TTN: variants seen among roughly 807,000 people sequenced by gnomAD.
TTN encodes the protein titin, also known as connectin.
Under a neutral mutation model 3,223.0 loss-of-function variants are expected in TTN, and 1,525 were observed. That is an observed-to-expected ratio of 0.47 (90% CI 0.45 to 0.49). TTN has a LOEUF of 0.49. Ranked by LOEUF, TTN falls within the 20% of genes least tolerant of loss-of-function variation. TTN has a pLI of 0.00. For missense variants in TTN, 40,786 were observed against 43,424.0 expected (o/e 0.94, Z 5.40); for synonymous variants, 14,094 against 15,161.0 (o/e 0.93, Z 5.17).
In TTN at chr2:178,554,091, C is replaced by T; in HGVS notation, c.89020G>A (p.Asp29674Asn). The T allele has an allele frequency of 6.2e-7, 1 of 1,613,850 alleles. No individual in the cohort carries two copies. Among genetic ancestry groups the T allele is most frequent in the Admixed American group, 1.7e-5 (1 of 60,010 alleles). Residue 29674 changes from aspartate (D) to asparagine (N), a missense_variant, in exon 333 of 363, where the codon GAC (aspartate) becomes AAC (asparagine). Transcript: ENST00000589042. ...TTAAACCATCCTAGGCTCTTCTTGT[C>T]TCGTTTTTCAAGGAAATAGCCACTT... Reference protein sequence around the residue: ...DISGYFLEKRDKKSLGWFKVL... With the variant: ...DISGYFLEKRNKKSLGWFKVL...
Position 178,583,556 on chromosome 2 carries a change from C to A in TTN, c.65575+51G>T, listed in dbSNP as rs527826349. On this transcript the variant is annotated intron_variant, in intron 312 of 362. Coordinates refer to ENST00000589042, the MANE Select transcript of TTN (RefSeq NM_001267550.2). ...TTTAGTTTTTTATTAGGAAAAATGACCATCATGAATGCTGTTACATCTTTG... is the reference window on the plus strand; with the variant it reads ...TTTAGTTTTTTATTAGGAAAAATGAACATCATGAATGCTGTTACATCTTTG... 18 of 1,450,190 alleles carry A rather than the reference C, an allele frequency of 1.2e-5. No individual in the cohort carries two copies. The African/African-American group carries it at 1.7e-4, about 14-fold the overall frequency. The allele number at this position is 1,450,190 out of a possible 1,614,324, so 89.8% of individuals were successfully genotyped here. A position where few individuals can be genotyped will look rare whatever the true frequency, so the allele number is the denominator to read the frequency against.
Position 178,727,382 on chromosome 2 carries a change from A to G in TTN, c.19994-11T>C. On this transcript the variant is annotated splice_polypyrimidine_tract_variant and intron_variant, in intron 68 of 362. Transcript: ENST00000589042. ...CAAACTTTGGTGGTTCTAAAGAGTC[A>G]GGAAAGAGGAGAGTATCAGGGAACA... 1 of 1,566,214 alleles carries G rather than the reference A, an allele frequency of 6.4e-7. No homozygotes were observed. The highest frequency in any genetic ancestry group is 8.6e-7 in the Non-Finnish European group (1 of 1,158,444).
intron 260 of TTN, 24 bp downstream of exon 260, chr2:178,614,823 A>C: frequency 6.3e-7 from 1 of 1,581,566 alleles, no homozygotes; most frequent in Non-Finnish European, 8.6e-7. Flanking sequence ...CCTATTTGAT[A>C]AGACAAAAAT....
chr2:178,546,528 A>G (rs1265796418), intron 341 of TTN, 26 bp from the exon 342 acceptor site: 2 of 1,602,006 alleles, frequency 1.2e-6, no homozygotes, highest in African/African-American at 1.3e-5. Context: ...ACAGATATGA[A>G]TGAATATCTG....
Position 178,696,145 on chromosome 2 carries a change from C to T in TTN, c.30927G>A (p.Glu10309=), listed in dbSNP as rs1015963344. ...VYEKKQAVHK[E]KRVFIESFEE... Reference sequence around the variant, plus strand: ...CGAAAGATTCAATGAAGACTCTCTTCTCCTTGTGGACTGCTTGCTTTTTCT... The same window carrying T: ...CGAAAGATTCAATGAAGACTCTCTTTTCCTTGTGGACTGCTTGCTTTTTCT... The change falls in exon 114 of 363, where the codon GAG becomes GAA. Residue 10309 remains glutamate, a synonymous_variant. Transcript: ENST00000589042. 2.6e-6 allele frequency: 4 copies of T among 1,553,252 alleles called. No homozygotes were observed. Among genetic ancestry groups the T allele is most frequent in the Non-Finnish European group, 3.5e-6 (4 of 1,147,468 alleles).
Position 178,534,377 on chromosome 2 carries a change from C to G in TTN, c.102238G>C (p.Val34080Leu), listed in dbSNP as rs1467698015. 6 of 1,610,626 alleles carry G rather than the reference C, an allele frequency of 3.7e-6. No individual in the cohort carries two copies. The African/African-American group carries it at 5.3e-5, about 14-fold the overall frequency. ...AATGTTCTGATAACTTTAGTACTGACTCTTTCTATCTTCTGCTTCAACCAT... is the reference window on the plus strand; with the variant it reads ...AATGTTCTGATAACTTTAGTACTGAGTCTTTCTATCTTCTGCTTCAACCAT... ...HPWLKQKIER[V>L]STKVIRTLKH... Residue 34080 changes from valine to leucine, a missense_variant, in exon 358 of 363, where the codon GTC (valine) becomes CTC (leucine). Physicochemically the swap from Val to Leu is conservative, Grantham distance 32. Coordinates refer to ENST00000589042, the MANE Select transcript of TTN (RefSeq NM_001267550.2).
Position 178,696,248 on chromosome 2 carries a change from G to A in TTN, c.30824C>T (p.Ser10275Phe). ...PAKAPEIIDVSSKAEEVKIMT... is the reference protein window; with the variant it reads ...PAKAPEIIDVFSKAEEVKIMT... ...TATTTTTACTTCTTCAGCTTTAGAG[G>A]ATACATCAATGATTTCAGGAGCTAA... The change falls in exon 114 of 363, where the codon TCC becomes TTC. Residue 10275 changes from serine to phenylalanine, a missense_variant. Ser to Phe is a radical substitution (Grantham distance 155). Transcript: ENST00000589042. 6.5e-7 allele frequency: 1 copy of A among 1,548,878 alleles called. No individual in the cohort carries two copies. The highest frequency in any genetic ancestry group is 8.7e-7 in the Non-Finnish European group (1 of 1,149,956).
At chr2:178,762,771 T>G (rs1341959201) in intron 43 of TTN, among the ~76,000 whole-genome samples, 1 of 152,242 alleles carries the variant, frequency 6.6e-6, no homozygotes, top group African/African-American at 2.4e-5. Flanking sequence ...TTGTCCATAC[T>G]GGCCATACAA....
At position 178,571,179 on chromosome 2, in the gene TTN, C is replaced by A. The variant is rs878874875; in HGVS notation, c.74953G>T (p.Ala24985Ser). The A allele has an allele frequency of 6.8e-6, 11 of 1,613,490 alleles. No individual in the cohort carries two copies. The highest frequency in any genetic ancestry group is 9.3e-6 in the Non-Finnish European group (11 of 1,179,622). Residue 24985 changes from alanine (A) to serine (S), a missense_variant, in exon 326 of 363, where the codon GCA becomes TCA. By Grantham distance (99) the Ala-to-Ser change is moderately conservative (BLOSUM62 1). Coordinates refer to ENST00000589042, the MANE Select transcript of TTN (RefSeq NM_001267550.2). ...TTGCCAATGCCCACGATGTTCTCTG[C>A]AGAGACTCTAAATTCATATTCAACA... The part of the protein sequence containing the change: ...EGVEYEFRVS[A>S]ENIVGIGKPS...
chr2:178,735,098 C>T, intron 50 of TTN, 110 bp from the exon 51 acceptor site: 1 of 1,235,930 alleles, frequency 8.1e-7, no homozygotes, highest in Middle Eastern at 2.7e-4. Flanking sequence ...AAAATATCTC[C>T]ACAAAATTTC....
In TTN at chr2:178,589,638, C is replaced by T. The variant is rs763791044; in HGVS notation, c.62087G>A (p.Gly20696Asp). 13 of 1,613,432 alleles carry T rather than the reference C, an allele frequency of 8.1e-6. No individual in the cohort carries two copies. In the East Asian group the frequency reaches 8.9e-5, roughly 11 times the overall value. Residue 20696 changes from glycine (G) to aspartate (D), a missense_variant, in exon 304 of 363, where the codon GGT becomes GAT. By Grantham distance (94) the Gly-to-Asp change is moderately conservative. Coordinates refer to ENST00000589042, the MANE Select transcript of TTN (RefSeq NM_001267550.2). ...ATGATATGACAGATTTGGACTGCCACCATCATAGTCAGGCCTCCGCCACTT... is the reference window on the plus strand; with the variant it reads ...ATGATATGACAGATTTGGACTGCCATCATCATAGTCAGGCCTCCGCCACTT... ...YLKWRRPDYDGGSPNLSYHVE... is the reference protein window; with the variant it reads ...YLKWRRPDYDDGSPNLSYHVE...
intron 139 of TTN, 98 bp from the exon 140 acceptor site, chr2:178,680,153 A>G: frequency 1.3e-6 from 2 of 1,580,724 alleles, no homozygotes; most frequent in Admixed American, 1.9e-5. Context: ...AAGAAAGGAC[A>G]AGATTTACTT....
In TTN at chr2:178,608,654, G is replaced by A; in HGVS notation, c.52357C>T (p.Pro17453Ser). ...GGCTTTGAAACACATGGTGGACCTG[G>A]CCCAAATCTGTTTTCAGCTCTTACA... The part of the protein sequence containing the change: ...FRVRAENRFG[P>S]GPPCVSKPLV... The change falls in exon 274 of 363, where the codon CCA becomes TCA. Residue 17453 changes from proline (P) to serine (S), a missense_variant. Pro to Ser is a moderately conservative substitution (Grantham distance 74). Coordinates refer to ENST00000589042, the MANE Select transcript of TTN (RefSeq NM_001267550.2). 1 of 1,611,952 alleles carries A rather than the reference G, an allele frequency of 6.2e-7. No individual in the cohort carries two copies.
chr2:178,733,888 A>T lies in TTN; in HGVS notation c.15501T>A (p.Pro5167=). The change falls in exon 53 of 363, where the codon CCT becomes CCA. Residue 5167 remains proline (P), a synonymous_variant. Coordinates refer to ENST00000589042, the MANE Select transcript of TTN (RefSeq NM_001267550.2). Reference sequence around the variant, plus strand: ...CATCTACTTTCTTTACAAAGGTTGGAGGTTCTAGTTAAGGAAAGAGAGCAT... The same window carrying T: ...CATCTACTTTCTTTACAAAGGTTGGTGGTTCTAGTTAAGGAAAGAGAGCAT... ...GCMATHLLKE[P]PTFVKKVDDL... The T allele has an allele frequency of 6.3e-7, 1 of 1,590,666 alleles. No homozygotes were observed. Among genetic ancestry groups the T allele is most frequent in the Non-Finnish European group, 8.6e-7 (1 of 1,165,560 alleles).
Position 178,591,344 on chromosome 2 carries a change from A to T in TTN, c.60381T>A (p.Val20127=), listed in dbSNP as rs570215155. ...GTACTGATGAGAAGTTGTCTGTTTC[A>T]ACTGTGTAGTGCTCATCGGTTTTAA... ...SEIKTDEHYT[V]ETDNFSSVLT... Residue 20127 remains valine, a synonymous_variant, in exon 304 of 363, where the codon GTT becomes GTA. Coordinates refer to ENST00000589042, the MANE Select transcript of TTN (RefSeq NM_001267550.2). 3.7e-6 allele frequency: 6 copies of T among 1,613,368 alleles called. No individual in the cohort carries two copies. The African/African-American group carries it at 8.0e-5, about 22-fold the overall frequency.
Position 178,732,921 on chromosome 2 carries a change from C to T in TTN, c.16255G>A (p.Val5419Ile). The change falls in exon 55 of 363, where the codon GTA (valine) becomes ATA (isoleucine). Residue 5419 changes from valine to isoleucine, a missense_variant. Coordinates refer to ENST00000589042, the MANE Select transcript of TTN (RefSeq NM_001267550.2). The stretch of plus-strand genomic sequence containing the variant: ...AAATTCCCTGCATCATTCATGTCTA[C>T]TCTGATGATCTCCAAAGAGGCTGTG... ...EGTASLEIIR[V>I]DMNDAGNFTC... is the part of the protein sequence containing the mutation. 1.9e-6 allele frequency: 3 copies of T among 1,613,558 alleles called. No homozygotes were observed. Among genetic ancestry groups the T allele is most frequent in the South Asian group, 1.1e-5 (1 of 91,076 alleles).
intron 222 of TTN, 66 bp downstream of exon 222, chr2:178,639,982 A>G: frequency 6.4e-7 from 1 of 1,561,664 alleles, no homozygotes; most frequent in East Asian, 2.3e-5. Context: ...ATCTTTTATT[A>G]AGTACATGTT....
chr2:178,780,221 A>T lies in TTN; in HGVS notation c.3524-16T>A, dbSNP rs932601453. The T allele has an allele frequency of 1.2e-6, 2 of 1,600,480 alleles. No individual in the cohort carries two copies. Among genetic ancestry groups the T allele is most frequent in the African/African-American group, 2.7e-5 (2 of 74,686 alleles). On this transcript the variant is annotated splice_polypyrimidine_tract_variant and intron_variant, in intron 21 of 362. Transcript: ENST00000589042. ...TCATAATCAGCTAAGAGTTAAGAACATCAGTTAATTTTTAATGCTCTTATT... is the reference window on the plus strand; with the variant it reads ...TCATAATCAGCTAAGAGTTAAGAACTTCAGTTAATTTTTAATGCTCTTATT...
Position 178,617,503 on chromosome 2 carries a change from C to T in TTN, c.47582G>A (p.Ser15861Asn), listed in dbSNP as rs2057561467. ...TGAGGAAGTTAGGTTTACAGGAGGA[C>T]TTGGTCTCTCTGGAATAAAAGAAGG... ...VKVADPIERPSPPVNLTSSDQ... is the reference protein window; with the variant it reads ...VKVADPIERPNPPVNLTSSDQ... Residue 15861 changes from serine to asparagine, a missense_variant, in exon 254 of 363, where the codon AGT (serine) becomes AAT (asparagine). Transcript: ENST00000589042. 3 of 1,583,448 alleles carry T rather than the reference C, an allele frequency of 1.9e-6. No individual in the cohort carries two copies. The highest frequency in any genetic ancestry group is 2.6e-6 in the Non-Finnish European group (3 of 1,170,794).
Sources: allele counts gnomAD v4.1 joint callset (sites outside exome capture counted in the v4.1 genomes callset), GRCh38; gene constraint gnomAD v4.1.1; transcripts MANE v1.5; gene names NCBI Gene and HGNC (gene_info 2026-07-23, HGNC 2026-07-21).